WNK2: variants seen among roughly 807,000 people sequenced by gnomAD.
The protein encoded by WNK2 is WNK lysine deficient protein kinase 2, also known as serine/threonine-protein kinase WNK2.
Under a neutral mutation model 192.1 loss-of-function variants are expected in WNK2, and 67 were observed. The observed-to-expected ratio is 0.35, with a 90% CI of 0.29 to 0.43. The LOEUF (loss-of-function observed/expected upper bound fraction) is 0.43. Ranked by LOEUF, WNK2 falls within the 20% of genes least tolerant of loss-of-function variation. The pLI is 1.00. For synonymous variants in WNK2, 1,439 were observed against 1,393.9 expected (o/e 1.03, Z -0.72); for missense variants, 2,698 against 3,089.7 (o/e 0.87, Z 3.01).
chr9:93,199,669 C>G (rs1326937941), intron 2 of WNK2, among the ~76,000 whole-genome samples: 1 of 151,954 alleles, frequency 6.6e-6, no homozygotes, highest in Admixed American at 6.6e-5. Context: ...GAGGCCGAGG[C>G]GGGTGGATCA....
intron 2 of WNK2, among the ~76,000 whole-genome samples, chr9:93,211,772 T>G (rs1834811875): frequency 6.7e-6 from 1 of 149,694 alleles, no homozygotes; most frequent in Non-Finnish European, 1.5e-5. Flanking sequence ...CTCGTCCACT[T>G]ACTCATTCAC....
Position 93,190,268 on chromosome 9 carries a change from T to C in WNK2, c.681+4658T>C, listed in dbSNP as rs372477890. ...GGTGCTTCTGCCCCCCGAGTGGTGGTGGCGAGGTGTGTGTCAGCAGCGATG... is the reference window on the plus strand; with the variant it reads ...GGTGCTTCTGCCCCCCGAGTGGTGGCGGCGAGGTGTGTGTCAGCAGCGATG... On this transcript the variant is annotated intron_variant, in intron 2 of 29. Transcript: ENST00000427277. Among the ~76,000 whole-genome samples the C allele has an allele frequency of 2.8e-4, 42 of 152,240 alleles. No homozygotes were observed. In the East Asian group the frequency reaches 6.0e-3, roughly 22 times the overall value.
chr9:93,219,516 A>G (rs953578161), intron 2 of WNK2, among the ~76,000 whole-genome samples: 4 of 152,100 alleles, frequency 2.6e-5, no homozygotes, highest in African/African-American at 4.8e-5. Flanking sequence ...ATTGTTTCCA[A>G]GTTTGTCATT....
intron 28 of WNK2, among the ~76,000 whole-genome samples, chr9:93,310,878 C>A (rs558312870): frequency 8.5e-5 from 13 of 152,144 alleles, no homozygotes; most frequent in African/African-American, 2.9e-4. Context: ...GTGGGAGGAT[C>A]GCTGGAGCCC....
At chr9:93,216,068 C>G (rs1835685243) in intron 2 of WNK2, among the ~76,000 whole-genome samples, 1 of 152,180 alleles carries the variant, frequency 6.6e-6, no homozygotes, top group African/African-American at 2.4e-5. Context: ...GCTGGTTGGT[C>G]TGTTCTGTTT....
At chr9:93,294,788 A>T (rs1849971252) in intron 23 of WNK2, among the ~76,000 whole-genome samples, 1 of 152,046 alleles carries the variant, frequency 6.6e-6, no homozygotes, top group African/African-American at 2.4e-5. Flanking sequence ...GGGAAAGGGC[A>T]GGGAGAGGAC....
intron 28 of WNK2, chr9:93,315,362 A>G (rs1253966097): frequency 2.0e-5 from 3 of 152,336 alleles, no homozygotes; most frequent in Admixed American, 6.5e-5. Flanking sequence ...CGTCCTCTGC[A>G]CTTACGGCTC....
Position 93,247,471 on chromosome 9 carries a change from C to T in WNK2, c.1543-72C>T. 6.6e-7 allele frequency: 1 copy of T among 1,520,270 alleles called. No homozygotes were observed. Among genetic ancestry groups the T allele is most frequent in the Non-Finnish European group, 8.9e-7 (1 of 1,119,584 alleles). The allele number at this position is 1,520,270 out of a possible 1,614,324, so 94.2% of individuals were successfully genotyped here. On this transcript the variant is annotated intron_variant, in intron 7 of 29. Coordinates refer to ENST00000427277, the MANE Select transcript of WNK2 (RefSeq NM_006648.4). This position sits in a 1 kb window ranked among gnomAD's most constrained non-coding sequence, Gnocchi z 5.2. The stretch of plus-strand genomic sequence containing the variant: ...CGTGGATGAGCCAGTGATGGGAAAG[C>T]ACTTTAGGTAAGGGGTGTGGGCCGG...
At chr9:93,285,213 TG>T (rs1848279643) in intron 19 of WNK2, among the ~76,000 whole-genome samples, 1 of 152,226 alleles carries the variant, frequency 6.6e-6, no homozygotes, top group Non-Finnish European at 1.5e-5. Context: ...GAAATAATCG[TG>T]GCCTTTTGGT....
In WNK2 at chr9:93,197,277, C is replaced by G. The variant is rs556370731; in HGVS notation, c.681+11667C>G. Among the ~76,000 whole-genome samples the G allele has an allele frequency of 6.6e-5, 10 of 152,294 alleles. No individual in the cohort carries two copies. The South Asian group carries it at 1.7e-3, about 25-fold the overall frequency. ...GGATGCTCCCACATCACCTCCACCC[C>G]CTGCCGTGCTCCAGGCACTCCAGGA... On this transcript the variant is annotated intron_variant, in intron 2 of 29. Coordinates refer to ENST00000427277, the MANE Select transcript of WNK2 (RefSeq NM_006648.4).
At chr9:93,253,186 T>C (rs527601299) in intron 9 of WNK2, 104 bp downstream of exon 9, 178 of 1,038,184 alleles carry the variant, frequency 1.7e-4, no homozygotes, top group Middle Eastern at 3.4e-4. Context: ...CTGCACTGCA[T>C]TGTGGTCAGC....
At chr9:93,316,271 C>T (rs934296400) in intron 28 of WNK2, 2 of 152,130 alleles carry the variant, frequency 1.3e-5, no homozygotes. Flanking sequence ...TTTTTCAGGT[C>T]GTTAATATTT....
At position 93,255,026 on chromosome 9, in the gene WNK2, G is replaced by C. The variant is rs117014154; in HGVS notation, c.2035-1273G>C. ...CCTCTCCTGTGGCCTTGGTGATGCT[G>C]CTGGTCTCAGCATCAGTGTGGAAAC... On this transcript the variant is annotated intron_variant, in intron 9 of 29. Coordinates refer to ENST00000427277, the MANE Select transcript of WNK2 (RefSeq NM_006648.4). Among the ~76,000 whole-genome samples the C allele has an allele frequency of 2.0e-5, 3 of 152,262 alleles. No individual in the cohort carries two copies. In the East Asian group the frequency reaches 5.8e-4, roughly 30 times the overall value.
At chr9:93,318,951 TC>T in intron 29 of WNK2, 1 of 1,431,542 alleles carries the variant, frequency 7.0e-7, no homozygotes, top group Non-Finnish European at 9.2e-7. Flanking sequence ...TTGGTTCAAA[TC>T]TATTATTCCA....
chr9:93,254,809 TA>T (rs1165371929), intron 9 of WNK2, among the ~76,000 whole-genome samples: 7 of 148,476 alleles, frequency 4.7e-5, no homozygotes, highest in African/African-American at 1.5e-4. Context: ...ACAACAAATT[TA>T]AAAAAAAAAG....
In WNK2 at chr9:93,288,837, T is replaced by C. The variant is rs1160088578; in HGVS notation, c.4083T>C (p.Phe1361=). The C allele has an allele frequency of 6.2e-7, 1 of 1,612,424 alleles. No homozygotes were observed. Among genetic ancestry groups the C allele is most frequent in the Non-Finnish European group, 8.5e-7 (1 of 1,179,698 alleles). Residue 1361 remains phenylalanine, a synonymous_variant, in exon 20 of 30, where the codon TTT becomes TTC. Coordinates refer to ENST00000427277, the MANE Select transcript of WNK2 (RefSeq NM_006648.4). ...DQLSSKEQPS[F]LASQQLLSQA... The stretch of plus-strand genomic sequence containing the variant: ...TGTCCTCGAAGGAACAACCCAGCTT[T>C]CTAGCCAGTCAGCAGCTCCTGAGCC...
chr9:93,314,420 C>T (rs540236109), intron 28 of WNK2, among the ~76,000 whole-genome samples: 12 of 150,592 alleles, frequency 8.0e-5, no homozygotes, highest in Non-Finnish European at 1.0e-4. Context: ...TGCACTCCAG[C>T]CTGGCGACAG....
rs1295653321 is a variant in WNK2 at position 93,185,432 on chromosome 9, C to G, written c.503C>G (p.Thr168Ser). 6.2e-7 allele frequency: 1 copy of G among 1,611,504 alleles called. No homozygotes were observed. Among genetic ancestry groups the G allele is most frequent in the Admixed American group, 1.7e-5 (1 of 59,908 alleles). The change falls in exon 2 of 30, where the codon ACT becomes AGT. Residue 168 changes from threonine (T) to serine (S), a missense_variant. Coordinates refer to ENST00000427277, the MANE Select transcript of WNK2 (RefSeq NM_006648.4). Reference sequence around the variant, plus strand: ...GAGGCGAAGCCTGAGCCCGGGCGCACTCGCCGGGACGAGCCCGAAGAGGAG... The same window carrying G: ...GAGGCGAAGCCTGAGCCCGGGCGCAGTCGCCGGGACGAGCCCGAAGAGGAG... ...AAEAKPEPGR[T>S]RRDEPEEEED...
intron 5 of WNK2, among the ~76,000 whole-genome samples, chr9:93,237,382 G>A (rs1332791366): frequency 1.3e-5 from 2 of 152,136 alleles, no homozygotes; most frequent in African/African-American, 4.8e-5. Flanking sequence ...ATCTTTCTCT[G>A]CTGCATCACA....
Sources: allele counts gnomAD v4.1 joint callset (sites outside exome capture counted in the v4.1 genomes callset), GRCh38; gene constraint gnomAD v4.1.1; non-coding constraint Gnocchi (gnomAD v3.1); transcripts MANE v1.5; gene names NCBI Gene and HGNC (gene_info 2026-07-23, HGNC 2026-07-21).